C2CD3: variants seen among roughly 807,000 people sequenced by gnomAD.
C2CD3 encodes the protein C2 domain containing 3 centriole elongation regulator, also known as C2 domain-containing protein 3.
Under a neutral mutation model 234.0 loss-of-function variants are expected in C2CD3, and 148 were observed. The observed-to-expected ratio is 0.63, with a 90% confidence interval of 0.55 to 0.72. The LOEUF is 0.72. Among genes scored for constraint, C2CD3 ranks in the 30% least tolerant of loss-of-function variants. The pLI is 0.00. For synonymous variants in C2CD3, 1,000 were observed against 1,035.4 expected (o/e 0.97, Z 0.66); for missense variants, 2,577 against 2,811.5 (o/e 0.92, Z 1.89).
chr11:74,094,166 A>G lies in C2CD3; in HGVS notation c.3161-167T>C, dbSNP rs535690214. ...AAGATACCTTGCTGGTGGACAATTC[A>G]TATATTGCCATACAAGTGCCAACAC... On this transcript the variant is annotated intron_variant, in intron 17 of 32. Transcript: ENST00000334126. Among the ~76,000 whole-genome samples, 6 of 150,920 alleles carry G rather than the reference A, an allele frequency of 4.0e-5. No homozygotes were observed. The South Asian group carries it at 1.3e-3, about 32-fold the overall frequency.
At chr11:74,160,097 T>C (rs1856351443) in intron 3 of C2CD3, among the ~76,000 whole-genome samples, 1 of 152,186 alleles carries the variant, frequency 6.6e-6, no homozygotes, top group Non-Finnish European at 1.5e-5. Context: ...GTTTGTACCC[T>C]AGGAGCAATA....
chr11:74,064,345 C>G (rs896070259), intron 24 of C2CD3, among the ~76,000 whole-genome samples: 13 of 152,210 alleles, frequency 8.5e-5, no homozygotes, highest in African/African-American at 2.9e-4. Flanking sequence ...AATAAAATAC[C>G]TAGGAATCCA....
At chr11:74,130,129 GGGAGA>G in intron 7 of C2CD3, among the ~76,000 whole-genome samples, 4 of 142,876 alleles carry the variant, frequency 2.8e-5, no homozygotes, top group African/African-American at 8.2e-5. Context: ...GAGGGGGAGA[GGGAGA>G]GGGAGAGGGA....
At chr11:74,025,111 A>G (rs1041810452) in intron 32 of C2CD3, among the ~76,000 whole-genome samples, 5 of 152,090 alleles carry the variant, frequency 3.3e-5, no homozygotes, top group African/African-American at 1.2e-4. Flanking sequence ...CATACTTTGT[A>G]TCTAGTATTT....
At position 74,039,393 on chromosome 11, in the gene C2CD3, C is replaced by T. The variant is rs1040163795; in HGVS notation, c.5661-1695G>A. Reference sequence around the variant, plus strand: ...TGCAAATTGATCTCACCTTGTTTCGCGCCCATTTGGTAAAGAATTCCTCTA... The same window carrying T: ...TGCAAATTGATCTCACCTTGTTTCGTGCCCATTTGGTAAAGAATTCCTCTA... On this transcript the variant is annotated intron_variant, in intron 29 of 32. Coordinates refer to ENST00000334126, the MANE Select transcript of C2CD3 (RefSeq NM_001286577.2). Among the ~76,000 whole-genome samples, 58 of 152,150 alleles carry T rather than the reference C, an allele frequency of 3.8e-4. 1 individual carries two copies. Among genetic ancestry groups the T allele is most frequent in the Admixed American group, 3.7e-3 (56 of 15,278 alleles).
At chr11:74,045,992 C>T (rs1953355975) in intron 28 of C2CD3, among the ~76,000 whole-genome samples, 1 of 152,190 alleles carries the variant, frequency 6.6e-6, no homozygotes, top group Admixed American at 6.5e-5. Context: ...ATATAACCCA[C>T]ATAAACCCGT....
In C2CD3 at chr11:74,028,382, C is replaced by G; in HGVS notation, c.6826G>C (p.Val2276Leu). The G allele has an allele frequency of 6.5e-7, 1 of 1,535,652 alleles. No homozygotes were observed. Among genetic ancestry groups the G allele is most frequent in the Non-Finnish European group, 8.7e-7 (1 of 1,146,598 alleles). The stretch of plus-strand genomic sequence containing the variant: ...TGGGGAGGCAAAAAGAAGTTGGGCA[C>G]CACAATGGGCCCTGGGCTACAATGG... ...QSLLLPGPIV[V>L]PNFFLPPQQL... The change falls in exon 32 of 33, where the codon GTG becomes CTG. Residue 2276 changes from valine (V) to leucine (L), a missense_variant. Transcript: ENST00000334126.
chr11:74,129,805 G>GC (rs1339543987), intron 7 of C2CD3: 1 of 192,456 alleles, frequency 5.2e-6, no homozygotes, highest in Non-Finnish European at 1.0e-5. Context: ...GCGTGAACGA[G>GC]ACTCCGTCTG....
chr11:74,148,367 C>T (rs759766462), intron 3 of C2CD3, among the ~76,000 whole-genome samples: 19 of 151,172 alleles, frequency 1.3e-4, no homozygotes, highest in Non-Finnish European at 1.3e-4. Context: ...TTAAAATAAT[C>T]GTATGTTTAT....
rs1475278048 is a variant in C2CD3 at position 74,123,066 on chromosome 11, A to G, written c.1287T>C (p.Ser429=). 3 of 1,612,704 alleles carry G rather than the reference A, an allele frequency of 1.9e-6. No individual in the cohort carries two copies. The highest frequency in any genetic ancestry group is 4.5e-5 in the East Asian group (2 of 44,876). ...GSPPDSPSPG[S]DVYCISELND... is the part of the protein sequence containing the mutation. ...TCAGCTCACTGATGCAATACACATC[A>G]CTCCCAGGAGATGGGGAATCTGGAG... is the stretch of plus-strand genomic sequence containing the variant. The change falls in exon 8 of 33, where the codon AGT becomes AGC. Residue 429 remains serine, a synonymous_variant. Transcript: ENST00000334126.
At chr11:74,165,020 G>T (rs1360464305) in intron 2 of C2CD3, 1 of 152,196 alleles carries the variant, frequency 6.6e-6, no homozygotes, top group South Asian at 2.1e-4. Flanking sequence ...ACAGTGAACT[G>T]TGTTTGCATC....
At chr11:74,032,660 C>A (rs1213355869) in intron 31 of C2CD3, among the ~76,000 whole-genome samples, 3 of 151,906 alleles carry the variant, frequency 2.0e-5, no homozygotes, top group Admixed American at 2.0e-4. Flanking sequence ...TTGCTTGAGG[C>A]CAGGAGTTTG....
At chr11:74,122,911 G>GTTGT in intron 8 of C2CD3, 77 bp downstream of exon 8, 1 of 1,104,206 alleles carries the variant, frequency 9.1e-7, no homozygotes, top group South Asian at 1.4e-5. Context: ...AAAATGCATA[G>GTTGT]CTGTCATGCC....
At chr11:74,017,350 C>T (rs1427366887) in intron 32 of C2CD3, among the ~76,000 whole-genome samples, 7 of 152,192 alleles carry the variant, frequency 4.6e-5, no homozygotes, top group Non-Finnish European at 7.3e-5. Context: ...CAGGCTGCCC[C>T]ATTAAATCCT....
At chr11:74,119,154 C>T (rs953278263) in intron 8 of C2CD3, among the ~76,000 whole-genome samples, 55 of 152,074 alleles carry the variant, frequency 3.6e-4, no homozygotes, top group African/African-American at 1.3e-3. Context: ...AAGTGATCTG[C>T]CCATCTCAGC....
chr11:74,146,304 A>G (rs1590933907), intron 3 of C2CD3, among the ~76,000 whole-genome samples: 1 of 152,238 alleles, frequency 6.6e-6, no homozygotes, highest in East Asian at 1.9e-4. Flanking sequence ...AAAATTAGTT[A>G]TTCAGCATGT....
At chr11:74,102,119 A>C (rs12574556) in intron 14 of C2CD3, among the ~76,000 whole-genome samples, 34,358 of 152,044 alleles carry the variant, frequency 0.23, 4,195 homozygotes, top group East Asian at 0.3. Flanking sequence ...TAATTAAGTT[A>C]GTAGTATCTA....
intron 3 of C2CD3, among the ~76,000 whole-genome samples, chr11:74,153,960 G>T (rs1354818675): frequency 6.6e-6 from 1 of 151,938 alleles, no homozygotes; most frequent in African/African-American, 2.4e-5. Flanking sequence ...ATTTAATGGG[G>T]TGGGAAAGGG....
intron 13 of C2CD3, among the ~76,000 whole-genome samples, chr11:74,104,586 T>C (rs1291738984): frequency 6.6e-6 from 1 of 151,446 alleles, no homozygotes; most frequent in Non-Finnish European, 1.5e-5. Context: ...ATAAAGAAAA[T>C]GTGACAAATA....
Sources: gnomAD v4.1 joint callset for allele counts (sites outside exome capture counted in the v4.1 genomes callset) on GRCh38, gnomAD v4.1.1 for gene constraint, MANE v1.5 for transcripts, NCBI Gene and HGNC (gene_info 2026-07-23, HGNC 2026-07-21) for gene names.